The following IFT22 variants were observed in gnomAD, a reference collection of about 807,000 sequenced individuals.
The protein encoded by IFT22 is intraflagellar transport 22, also known as intraflagellar transport protein 22 homolog.
Under a neutral mutation model 21.0 loss-of-function variants are expected in IFT22, and 13 were observed. That is an observed-to-expected ratio of 0.62 (90% CI 0.40 to 0.98). The LOEUF is 0.98. Among genes scored for constraint, IFT22 ranks in the 50% least tolerant of loss-of-function variants. IFT22 has a pLI of 0.00. For synonymous variants in IFT22, 67 were observed against 82.4 expected (o/e 0.81, Z 1.01); for missense variants, 227 against 228.9 (o/e 0.99, Z 0.06).
chr7:101,321,623 C>G, intron 1 of IFT22, 48 bp downstream of exon 1: 1 of 1,561,320 alleles, frequency 6.4e-7, no homozygotes, highest in Non-Finnish European at 8.7e-7. Flanking sequence ...TCGCCCAGGC[C>G]CCGAGGCCTG....
Position 101,321,722 on chromosome 7 carries a change from C to T in IFT22, c.-13G>A. ...TGGCTTTCAGCATAGTTGTCCGCCG[C>T]GGCTTAGCCGGCCGGAGCCCACGGG... is the stretch of plus-strand genomic sequence containing the variant. On this transcript the variant is annotated 5_prime_UTR_variant, in exon 1 of 5. Coordinates refer to ENST00000315322, the MANE Select transcript of IFT22 (RefSeq NM_022777.4). 1 of 1,591,166 alleles carries T rather than the reference C, an allele frequency of 6.3e-7. No individual in the cohort carries two copies. Among genetic ancestry groups the T allele is most frequent in the South Asian group, 1.1e-5 (1 of 88,380 alleles).
intron 3 of IFT22, among the ~76,000 whole-genome samples, chr7:101,317,617 A>G (rs1473128606): frequency 6.6e-6 from 1 of 152,006 alleles, no homozygotes; most frequent in Non-Finnish European, 1.5e-5. Flanking sequence ...AAAGTGTATA[A>G]AGCAATGCAT....
rs1050845097 is a variant in IFT22, at chr7:101,318,098, A to T, written c.206+26T>A. ...AGCTGATTTTTAAACCATTTGATGA[A>T]GTGACTTTCTTTAAAGGAAACATAC... On this transcript the variant is annotated intron_variant, in intron 3 of 4. Coordinates refer to ENST00000315322, the MANE Select transcript of IFT22 (RefSeq NM_022777.4). 6 of 1,595,182 alleles carry T rather than the reference A, an allele frequency of 3.8e-6. No individual in the cohort carries two copies. The African/African-American group carries it at 8.1e-5, about 21-fold the overall frequency.
Position 101,312,475 on chromosome 7 carries a change from CT to C in IFT22, c.*2658del, listed in dbSNP as rs1482971034. The stretch of plus-strand genomic sequence containing the variant: ...ATTGTGTCTGTACTCCACTTTCCAA[CT>C]GGATATAGTGTCCATATCAAGGTCA... On this transcript the variant is annotated 3_prime_UTR_variant, in exon 5 of 5. Transcript: ENST00000315322. Among the ~76,000 whole-genome samples, 1 of 150,544 alleles carries C rather than the reference CT, an allele frequency of 6.6e-6. No individual in the cohort carries two copies. Among genetic ancestry groups the C allele is most frequent in the African/African-American group, 2.4e-5 (1 of 40,864 alleles).
intron 1 of IFT22, 65 bp downstream of exon 1, chr7:101,321,606 C>T (rs1584318195): frequency 6.6e-7 from 1 of 1,517,722 alleles, no homozygotes; most frequent in East Asian, 2.5e-5. Flanking sequence ...CGGGTGGGGA[C>T]CTGCGCTCGC....
intron 1 of IFT22, among the ~76,000 whole-genome samples, chr7:101,321,000 A>G (rs1244391335): frequency 6.6e-6 from 1 of 152,142 alleles, no homozygotes; most frequent in East Asian, 1.9e-4. Flanking sequence ...AAAATTAGCC[A>G]GGGGTAATGG....
intron 4 of IFT22, chr7:101,316,105 TCTC>T: frequency 2.1e-6 from 1 of 482,118 alleles, no homozygotes. Context: ...CTCAAGCAAT[TCTC>T]CTGCCTTAGC....
chr7:101,316,706 G>A (rs1253126279), intron 3 of IFT22, among the ~76,000 whole-genome samples, 164 bp from the exon 4 acceptor site: 1 of 152,200 alleles, frequency 6.6e-6, no homozygotes, highest in South Asian at 2.1e-4. Flanking sequence ...GGGCGATCAC[G>A]AGGTCAGGAG....
In IFT22 at chr7:101,311,418, G is replaced by A. The variant is rs1370495588; in HGVS notation, c.*3716C>T. Among the ~76,000 whole-genome samples the A allele has an allele frequency of 6.6e-6, 1 of 152,192 alleles. No homozygotes were observed. The highest frequency in any genetic ancestry group is 2.4e-5 in the African/African-American group (1 of 41,452). ...TGTCATGGAAAGATGATTTAGTTCAGTTGACATTAATAATACGCATGGTAA... is the reference window on the plus strand; with the variant it reads ...TGTCATGGAAAGATGATTTAGTTCAATTGACATTAATAATACGCATGGTAA... On this transcript the variant is annotated 3_prime_UTR_variant, in exon 5 of 5. Transcript: ENST00000315322.
Position 101,321,771 on chromosome 7 carries a change from C to G in IFT22, c.-62G>C. 1 of 1,471,880 alleles carries G rather than the reference C, an allele frequency of 6.8e-7. No homozygotes were observed. The highest frequency in any genetic ancestry group is 1.8e-4 in the Middle Eastern group (1 of 5,634). The allele number at this position is 1,471,880 out of a possible 1,614,324, so 91.2% of individuals were successfully genotyped here. ...GGAGGCGGCGCGTCAGGACGGAGCTCTACTTGGCCGCTTTCGTTTCCATGG... is the reference window on the plus strand; with the variant it reads ...GGAGGCGGCGCGTCAGGACGGAGCTGTACTTGGCCGCTTTCGTTTCCATGG... On this transcript the variant is annotated 5_prime_UTR_variant, in exon 1 of 5. The change abolishes the stop of an existing upstream ORF in the 5' untranslated region. Transcript: ENST00000315322.
intron 2 of IFT22, 34 bp from the exon 3 acceptor site, chr7:101,318,247 C>T: frequency 6.5e-7 from 1 of 1,549,292 alleles, no homozygotes; most frequent in Non-Finnish European, 8.9e-7. Flanking sequence ...AGGCTGGGTG[C>T]AGTGGCTCAC....
chr7:101,315,997 CTT>C (rs59453200), intron 4 of IFT22: 20,547 of 141,460 alleles, frequency 0.15, 1,263 homozygotes, highest in African/African-American at 0.18. Flanking sequence ...GGTCTTTTCT[CTT>C]TTTTTTTTTT....
chr7:101,318,368 G>A, intron 2 of IFT22, 155 bp from the exon 3 acceptor site: 1 of 518,374 alleles, frequency 1.9e-6, no homozygotes, highest in South Asian at 1.8e-5. Flanking sequence ...AAAAATAAAA[G>A]AATTAGCTGG....
At position 101,314,483 on chromosome 7, in the gene IFT22, G is replaced by A. The variant is rs544630458; in HGVS notation, c.*651C>T. The A allele has an allele frequency of 1.9e-3, 285 of 152,304 alleles. 1 individual carries two copies. Among genetic ancestry groups the A allele is most frequent in the Non-Finnish European group, 3.0e-3 (204 of 68,052 alleles). The allele number at this position is 152,304 out of a possible 1,614,324, so 9.4% of individuals were successfully genotyped here. On this transcript the variant is annotated 3_prime_UTR_variant, in exon 5 of 5. Transcript: ENST00000315322. ...AACTCTTATAGAGAATGAAGAATGC[G>A]TTTTGATTTTCTTTTTTGCATATCC...
Position 101,315,015 on chromosome 7 carries a change from GAA to G in IFT22, c.*117_*118del. ...GTGACAGGTGCCTTCCTGCAGGTAG[GAA>G]CACTTCCTCTGCAGTCAGAGGGAGA... On this transcript the variant is annotated 3_prime_UTR_variant, in exon 5 of 5. Transcript: ENST00000315322. 1.8e-6 allele frequency: 2 copies of G among 1,138,604 alleles called. No homozygotes were observed. The highest frequency in any genetic ancestry group is 2.5e-6 in the Non-Finnish European group (2 of 806,616). The allele number at this position is 1,138,604 out of a possible 1,614,324, so 70.5% of individuals were successfully genotyped here.
In IFT22 at chr7:101,312,507, ATAAAT is replaced by A. The variant is rs1446253744; in HGVS notation, c.*2622_*2626del. Among the ~76,000 whole-genome samples, 4 of 151,684 alleles carry A rather than the reference ATAAAT, an allele frequency of 2.6e-5. No individual in the cohort carries two copies. Among genetic ancestry groups the A allele is most frequent in the Non-Finnish European group, 4.4e-5 (3 of 67,968 alleles). ...TAGTGTCCATATCAAGGTCATCTAA[ATAAAT>A]ATAATGTTTTGGAGAGAGTTGTTTT... On this transcript the variant is annotated 3_prime_UTR_variant, in exon 5 of 5. Coordinates refer to ENST00000315322, the MANE Select transcript of IFT22 (RefSeq NM_022777.4).
At chr7:101,319,180 T>G in intron 1 of IFT22, 148 bp from the exon 2 acceptor site, 1 of 685,224 alleles carries the variant, frequency 1.5e-6, no homozygotes. Flanking sequence ...GACCTCACTG[T>G]CTTGCTCTAG....
At position 101,315,057 on chromosome 7, in the gene IFT22, G is replaced by T; in HGVS notation, c.*77C>A. 6.8e-7 allele frequency: 1 copy of T among 1,475,324 alleles called. No homozygotes were observed. The highest frequency in any genetic ancestry group is 1.2e-5 in the South Asian group (1 of 82,284). The allele number at this position is 1,475,324 out of a possible 1,614,324, so 91.4% of individuals were successfully genotyped here. ...TCAGAGGGAGAAGAAAACATCAGGA[G>T]CTGGATGTGATTTCAGATCTGCACC... is the stretch of plus-strand genomic sequence containing the variant. On this transcript the variant is annotated 3_prime_UTR_variant, in exon 5 of 5. Transcript: ENST00000315322.
In IFT22 at chr7:101,314,943, C is replaced by A; in HGVS notation, c.*191G>T. The A allele has an allele frequency of 1.8e-6, 1 of 566,864 alleles. No homozygotes were observed. The highest frequency in any genetic ancestry group is 3.0e-5 in the East Asian group (1 of 33,000). 35.1% of individuals were successfully genotyped at this position (566,864 alleles called of 1,614,324 possible). A position where few individuals can be genotyped will look rare whatever the true frequency, so the allele number is the denominator to read the frequency against. On this transcript the variant is annotated 3_prime_UTR_variant, in exon 5 of 5. Coordinates refer to ENST00000315322, the MANE Select transcript of IFT22 (RefSeq NM_022777.4). ...TCCAAATTTGATAATAGGATTTTCT[C>A]AACTGAACTCAGGGCAGAGCACAGA...
Sources: gnomAD v4.1 joint callset for allele counts (sites outside exome capture counted in the v4.1 genomes callset) on GRCh38, gnomAD v4.1.1 for gene constraint, MANE v1.5 for transcripts, NCBI Gene and HGNC (gene_info 2026-07-23, HGNC 2026-07-21) for gene names.